OR7E24: variants seen among roughly 807,000 people sequenced by gnomAD.
OR7E24 encodes the protein olfactory receptor family 7 subfamily E member 24, also known as olfactory receptor 7E24.
For synonymous variants in OR7E24, 130 were observed against 157.5 expected, an observed-to-expected ratio of 0.83 and a Z score of 1.31; for missense variants, 385 against 410.3, an observed-to-expected ratio of 0.94 and a Z score of 0.53.
the OR7E24 span, among the ~76,000 whole-genome samples, chr19:9,239,939 C>T: frequency 1.3e-5 from 2 of 152,142 alleles, no homozygotes; most frequent in Non-Finnish European, 2.9e-5. Flanking sequence ...GAACTGACCT[C>T]AAGTGATACA....
chr19:9,238,249 T>TGACAGCCTGGGTGACAGAGCAAGA, the OR7E24 span, among the ~76,000 whole-genome samples: 522 of 152,190 alleles, frequency 3.4e-3, 5 homozygotes, highest in Non-Finnish European at 5.3e-3. Flanking sequence ...ACAGAGCAAG[T>TGACAGCCTGGGTGACAGAGCAAGA]GACAGCCTGG....
chr19:9,224,910 G>C, the OR7E24 span, among the ~76,000 whole-genome samples: 5 of 152,148 alleles, frequency 3.3e-5, no homozygotes, highest in East Asian at 9.6e-4. Context: ...TTGGTATGTG[G>C]GTGATCCATT....
chr19:9,245,623 A>T (rs2066126978), upstream of OR7E24, among the ~76,000 whole-genome samples: 1 of 152,214 alleles, frequency 6.6e-6, no homozygotes, highest in Non-Finnish European at 1.5e-5. Flanking sequence ...GAAAAGTTAA[A>T]TATTAAATTC....
At chr19:9,214,877 G>A in the OR7E24 span, 29 of 1,286,244 alleles carry the variant, frequency 2.3e-5, 2 homozygotes, top group Middle Eastern at 3.8e-4. Flanking sequence ...AAAAAGCAAC[G>A]TTTAATGAAC....
chr19:9,241,247 A>G, the OR7E24 span, among the ~76,000 whole-genome samples: 2 of 152,188 alleles, frequency 1.3e-5, no homozygotes, highest in African/African-American at 4.8e-5. Context: ...TATTAATAAC[A>G]TCCACTTGGC....
At chr19:9,224,343 A>G in the OR7E24 span, among the ~76,000 whole-genome samples, 1 of 152,182 alleles carries the variant, frequency 6.6e-6, no homozygotes, top group Non-Finnish European at 1.5e-5. Context: ...CAAGCATCCC[A>G]TATCTACAGG....
At chr19:9,223,893 T>A in the OR7E24 span, among the ~76,000 whole-genome samples, 1 of 151,954 alleles carries the variant, frequency 6.6e-6, no homozygotes, top group Non-Finnish European at 1.5e-5. Context: ...CTCTGTGGCA[T>A]AGACTGGAGT....
At chr19:9,236,224 TTTGTATG>T in the OR7E24 span, 1 of 603,298 alleles carries the variant, frequency 1.7e-6, no homozygotes, top group African/African-American at 1.9e-5. Context: ...TTAAAATGTT[TTTGTATG>T]GCCGGGCACG....
the OR7E24 span, among the ~76,000 whole-genome samples, chr19:9,234,329 A>G: frequency 6.6e-6 from 1 of 152,216 alleles, no homozygotes; most frequent in Non-Finnish European, 1.5e-5. Flanking sequence ...GATATATCCA[A>G]AATAACTATC....
At chr19:9,212,388 T>G in the OR7E24 span, 96 of 152,302 alleles carry the variant, frequency 6.3e-4, no homozygotes, top group African/African-American at 2.2e-3. Flanking sequence ...CAGAAAATAC[T>G]GGCTACCAAA....
the OR7E24 span, among the ~76,000 whole-genome samples, chr19:9,223,025 C>T: frequency 6.6e-6 from 1 of 152,088 alleles, no homozygotes; most frequent in African/African-American, 2.4e-5. Context: ...TAATTTTTGT[C>T]AAATGTTTTT....
the OR7E24 span, among the ~76,000 whole-genome samples, chr19:9,239,116 C>G: frequency 1.3e-5 from 2 of 152,058 alleles, no homozygotes; most frequent in African/African-American, 4.8e-5. Context: ...AATTTATATT[C>G]CAACCAACAG....
At chr19:9,242,623 T>G (rs1198909722), upstream of OR7E24, among the ~76,000 whole-genome samples, 1 of 152,206 alleles carries the variant, frequency 6.6e-6, no homozygotes, top group African/African-American at 2.4e-5. Context: ...AGAGGTGAAC[T>G]ATAACCTGGC....
rs1243446580 is a variant in OR7E24, at chr19:9,252,032, A to G, written c.989A>G (p.His330Arg). The G allele has an allele frequency of 8.1e-6, 13 of 1,597,476 alleles. 1 individual carries two copies. Among genetic ancestry groups the G allele is most frequent in the East Asian group, 6.7e-5 (3 of 44,604 alleles). ...CRLHGRIIKS[H>R]HLHPFCYMG is the part of the protein sequence containing the mutation. ...CTGCATGGCAGAATCATCAAATCTC[A>G]TCATCTCCATCCTTTTTGTTATATG... is the stretch of plus-strand genomic sequence containing the variant. Residue 330 changes from histidine to arginine, a missense_variant, in exon 1 of 1, where the codon CAT (histidine) becomes CGT (arginine). Physicochemically the swap from His to Arg is conservative, Grantham distance 29. Coordinates refer to ENST00000456448, the MANE Select transcript of OR7E24 (RefSeq NM_001079935.2).
At chr19:9,248,585 G>C (rs775124971), upstream of OR7E24, among the ~76,000 whole-genome samples, 3 of 152,118 alleles carry the variant, frequency 2.0e-5, no homozygotes, top group Admixed American at 2.0e-4. Flanking sequence ...AGACCAGTGG[G>C]TGCCACGTTC....
upstream of OR7E24, among the ~76,000 whole-genome samples, chr19:9,248,672 C>T (rs566400656): frequency 2.0e-5 from 3 of 152,304 alleles, no homozygotes; most frequent in East Asian, 3.9e-4. Flanking sequence ...TCACTCAGGG[C>T]GCATCTCTCC....
At chr19:9,220,357 C>T in the OR7E24 span, among the ~76,000 whole-genome samples, 1 of 152,158 alleles carries the variant, frequency 6.6e-6, no homozygotes, top group Non-Finnish European at 1.5e-5. Context: ...ACTCCTCAAC[C>T]CCAAACCACT....
the OR7E24 span, among the ~76,000 whole-genome samples, chr19:9,224,776 AAAAG>A: frequency 3.3e-5 from 5 of 152,098 alleles, no homozygotes; most frequent in East Asian, 7.8e-4. Flanking sequence ...ACAAAAAAAA[AAAAG>A]AGAGAGAGAT....
chr19:9,251,295 G>A lies in OR7E24; in HGVS notation c.252G>A (p.Leu84=). The change falls in exon 1 of 1, where the codon CTG becomes CTA. Residue 84 remains leucine (L), a synonymous_variant. Coordinates refer to ENST00000456448, the MANE Select transcript of OR7E24 (RefSeq NM_001079935.2). The part of the protein sequence containing the change: ...HTPMYFFLSN[L]SLADIGFTST... ...CCATGTACTTCTTCCTCTCCAACCTGTCCTTGGCTGACATCGGTTTCACCT... is the reference window on the plus strand; with the variant it reads ...CCATGTACTTCTTCCTCTCCAACCTATCCTTGGCTGACATCGGTTTCACCT... The A allele has an allele frequency of 1.2e-6, 2 of 1,613,982 alleles. No homozygotes were observed. The highest frequency in any genetic ancestry group is 2.2e-5 in the South Asian group (2 of 91,066).
Sources: allele counts gnomAD v4.1 joint callset (sites outside exome capture counted in the v4.1 genomes callset), GRCh38; gene constraint gnomAD v4.1.1; transcripts MANE v1.5; gene names NCBI Gene and HGNC (gene_info 2026-07-23, HGNC 2026-07-21).